The following SLC35H1 variants were observed in gnomAD, a reference collection of about 807,000 sequenced individuals.
SLC35H1 encodes solute carrier family 35 member H1, also known as ovarian cancer-overexpressed gene 1 protein.
chr20:46,352,666 A>T, the SLC35H1 span: 1 of 116,036 alleles, frequency 8.6e-6, no homozygotes. Flanking sequence ...CGGGATGACG[A>T]TGGGATCCTA....
the SLC35H1 span, chr20:46,352,401 T>C: frequency 3.2e-6 from 2 of 626,514 alleles, no homozygotes; most frequent in African/African-American, 1.8e-5. Context: ...ACAGATGGCC[T>C]GAGACCTGGG....
chr20:46,348,328 G>A, the SLC35H1 span: 1 of 152,224 alleles, frequency 6.6e-6, no homozygotes, highest in Non-Finnish European at 1.5e-5. Context: ...TGTGCTGGGA[G>A]GCGGGCAGTG....
At chr20:46,358,702 G>A in the SLC35H1 span, 2 of 1,550,838 alleles carry the variant, frequency 1.3e-6, no homozygotes, top group Non-Finnish European at 1.7e-6. Context: ...TAAGGGGCTG[G>A]TGGCTGGTGC....
chr20:46,350,902 G>A, the SLC35H1 span: 3 of 1,613,588 alleles, frequency 1.9e-6, no homozygotes, highest in East Asian at 2.2e-5. Context: ...TGGGGGCAGA[G>A]AAGCAGGAGG....
At chr20:46,347,305 A>AAT in the SLC35H1 span, 10 of 152,262 alleles carry the variant, frequency 6.6e-5, no homozygotes, top group Admixed American at 3.9e-4. Flanking sequence ...CTAGGAAAGA[A>AAT]ATACAATCAG....
chr20:46,350,518 C>A, the SLC35H1 span: 1 of 1,598,698 alleles, frequency 6.3e-7, no homozygotes, highest in Non-Finnish European at 8.5e-7. Context: ...CTTGGGGCCA[C>A]CATCACCTTG....
At chr20:46,361,323 G>A in the SLC35H1 span, among the ~76,000 whole-genome samples, 4 of 152,100 alleles carry the variant, frequency 2.6e-5, no homozygotes, top group South Asian at 2.1e-4. Flanking sequence ...AATAAATACC[G>A]TCAGCTCTAT....
the SLC35H1 span, among the ~76,000 whole-genome samples, chr20:46,360,973 G>A: frequency 5.3e-5 from 8 of 152,238 alleles, no homozygotes; most frequent in African/African-American, 1.9e-4. Context: ...GATCCAATGA[G>A]TTGAGACTCC....
At chr20:46,357,312 G>A in the SLC35H1 span, among the ~76,000 whole-genome samples, 2 of 152,356 alleles carry the variant, frequency 1.3e-5, no homozygotes, top group African/African-American at 4.8e-5. Flanking sequence ...CAGGGACCCT[G>A]CCTGCTCACC....
chr20:46,358,509 G>C, the SLC35H1 span: 24 of 1,614,070 alleles, frequency 1.5e-5, no homozygotes, highest in South Asian at 1.2e-4. Flanking sequence ...CTCCCCATTC[G>C]TGGCGGCTGC....
the SLC35H1 span, chr20:46,355,218 G>A: frequency 6.2e-7 from 1 of 1,613,748 alleles, no homozygotes; most frequent in East Asian, 2.2e-5. This position sits in a 1 kb window ranked among gnomAD's most constrained non-coding sequence, Gnocchi z 4.8. Context: ...CGATGAGGAG[G>A]ACCACCAGGA....
the SLC35H1 span, chr20:46,350,572 T>G: frequency 6.5e-7 from 1 of 1,544,734 alleles, no homozygotes; most frequent in Admixed American, 2.0e-5. Flanking sequence ...GTGGTTTTCT[T>G]GGTTTGCTCT....
chr20:46,358,391 G>A, the SLC35H1 span: 1 of 1,614,078 alleles, frequency 6.2e-7, no homozygotes, highest in Non-Finnish European at 8.5e-7. Context: ...TGGTACCTTT[G>A]TCAGCCACTT....
chr20:46,356,606 G>A, the SLC35H1 span: 1 of 1,614,126 alleles, frequency 6.2e-7, no homozygotes, highest in Non-Finnish European at 8.5e-7. Flanking sequence ...AGCTCCAGTT[G>A]GACAAGCCCA....
the SLC35H1 span, chr20:46,352,071 A>C: frequency 6.2e-7 from 1 of 1,614,176 alleles, no homozygotes; most frequent in Non-Finnish European, 8.5e-7. Context: ...CCGGCAATGG[A>C]GAGAGTGAGG....
chr20:46,350,776 C>CT, the SLC35H1 span: 1 of 1,614,102 alleles, frequency 6.2e-7, no homozygotes. Context: ...GAATGCAGGG[C>CT]TTTGAGGGCA....
At chr20:46,358,350 C>T in the SLC35H1 span, 1 of 1,589,108 alleles carries the variant, frequency 6.3e-7, no homozygotes, top group Non-Finnish European at 8.6e-7. Flanking sequence ...TGGCCACCTT[C>T]ATCCCAGCAC....
At chr20:46,358,232 G>A in the SLC35H1 span, among the ~76,000 whole-genome samples, 4 of 152,274 alleles carry the variant, frequency 2.6e-5, no homozygotes, top group Admixed American at 1.3e-4. Context: ...ACCCTGGCAC[G>A]GCAGGCTTGG....
chr20:46,355,997 T>C, the SLC35H1 span: 1 of 1,407,560 alleles, frequency 7.1e-7, no homozygotes, highest in East Asian at 2.4e-5. The surrounding 1 kb of genome is among the most constrained non-coding windows in gnomAD (Gnocchi z 4.8). Context: ...GTCATCTGAG[T>C]GATAAGCGAC....
Sources: gnomAD v4.1 joint callset for allele counts (sites outside exome capture counted in the v4.1 genomes callset) on GRCh38, gnomAD v4.1.1 for gene constraint, Gnocchi (gnomAD v3.1) non-coding constraint, MANE v1.5 for transcripts, NCBI Gene and HGNC (gene_info 2026-07-23, HGNC 2026-07-21) for gene names.